Variants in ELP2 observed in about 807,000 individuals in gnomAD.
ELP2 encodes the protein elongator acetyltransferase complex subunit 2.
A neutral mutation model predicts 119.2 loss-of-function variants in ELP2; 90 were observed. That is an observed-to-expected ratio of 0.75 (90% confidence interval 0.64 to 0.90). The LOEUF (loss-of-function observed/expected upper bound fraction) is 0.90. Ranked by LOEUF, ELP2 falls within the 40% of genes least tolerant of loss-of-function variation. The probability of loss-of-function intolerance (pLI) is 0.00; values close to 1 mark genes in which losing one functional copy is unlikely to be tolerated. For synonymous variants in ELP2, 339 were observed against 331.0 expected, an observed-to-expected ratio of 1.02 and a Z score of -0.26; for missense variants, 921 against 967.8, an observed-to-expected ratio of 0.95 and a Z score of 0.64.
In ELP2 at chr18:36,170,172, G is replaced by GC; in HGVS notation, c.2189dup (p.Val731SerfsTer28). The GC allele has an allele frequency of 6.2e-7, 1 of 1,614,126 alleles. No homozygotes were observed. Among genetic ancestry groups the GC allele is most frequent in the South Asian group, 1.1e-5 (1 of 91,078 alleles). The stretch of plus-strand genomic sequence containing the variant: ...GGGGCTGTGACAGCTGTCAGCGTCT[G>GC]CCCAGTGCTCCACCCTTCTCAACGG... On this transcript the variant is annotated frameshift_variant, in exon 20 of 22. Coordinates refer to ENST00000358232, the MANE Select transcript of ELP2 (RefSeq NM_018255.4). LOFTEE classifies it high-confidence loss of function.
intron 17 of ELP2, among the ~76,000 whole-genome samples, chr18:36,163,280 G>GTGTGTGTGTGTT (rs2090796858): frequency 6.6e-6 from 1 of 151,558 alleles, no homozygotes; most frequent in Non-Finnish European, 1.5e-5. Context: ...TGGGGGGTGT[G>GTGTGTGTGTGTT]TGTGTGTGTG....
At chr18:36,151,959 A>G (rs1785907) in intron 11 of ELP2, among the ~76,000 whole-genome samples, 54,108 of 150,190 alleles carry the variant, frequency 0.36, 9,794 homozygotes, top group Middle Eastern at 0.43. Context: ...TCACCATGTT[A>G]GCCAGGCTGG....
chr18:36,159,946 A>G lies in ELP2; in HGVS notation c.1631-12A>G. On this transcript the variant is annotated splice_polypyrimidine_tract_variant and intron_variant, in intron 15 of 21. Coordinates refer to ENST00000358232, the MANE Select transcript of ELP2 (RefSeq NM_018255.4). ...CTTTTACATAGAAAAAAATAGCTTC[A>G]ATTTATTCTAGAGCCTCCCACTGAG... The G allele has an allele frequency of 1.9e-6, 3 of 1,614,024 alleles. No individual in the cohort carries two copies. Among genetic ancestry groups the G allele is most frequent in the Non-Finnish European group, 2.5e-6 (3 of 1,179,958 alleles).
At chr18:36,155,318 G>A (rs530803395) in intron 12 of ELP2, among the ~76,000 whole-genome samples, 27 of 136,992 alleles carry the variant, frequency 2.0e-4, no homozygotes, top group Admixed American at 1.5e-3. Context: ...CACTGCAGCC[G>A]GCCTCTTCTT....
chr18:36,131,129 G>T (rs558654605), intron 1 of ELP2, among the ~76,000 whole-genome samples: 1 of 152,082 alleles, frequency 6.6e-6, no homozygotes, highest in Non-Finnish European at 1.5e-5. Context: ...GACGGGGGTC[G>T]CACCACTGGA....
intron 13 of ELP2, among the ~76,000 whole-genome samples, chr18:36,157,199 G>C (rs1166377448): frequency 3.9e-5 from 6 of 152,142 alleles, no homozygotes; most frequent in African/African-American, 1.4e-4. Flanking sequence ...TTCTAAGAAA[G>C]ATTTGAGCTA....
intron 16 of ELP2, 62 bp downstream of exon 16, chr18:36,160,077 C>T: frequency 6.7e-7 from 1 of 1,502,302 alleles, no homozygotes; most frequent in Non-Finnish European, 9.3e-7. Context: ...CTTTTCCTCC[C>T]CACCCCACAA....
intron 6 of ELP2, among the ~76,000 whole-genome samples, chr18:36,141,875 G>C (rs2090042678): frequency 1.3e-5 from 2 of 151,892 alleles, no homozygotes; most frequent in Admixed American, 6.6e-5. Context: ...ATTTTTTGTA[G>C]ACACAGGGTC....
intron 5 of ELP2, among the ~76,000 whole-genome samples, chr18:36,140,527 A>G (rs944267568): frequency 5.9e-5 from 9 of 151,794 alleles, no homozygotes; most frequent in African/African-American, 2.2e-4. Context: ...TTGTATTTTT[A>G]GTAGAGACAA....
intron 13 of ELP2, among the ~76,000 whole-genome samples, chr18:36,157,669 T>C (rs1042114561): frequency 1.3e-5 from 2 of 152,182 alleles, no homozygotes; most frequent in Non-Finnish European, 2.9e-5. Context: ...GAAAATGGAA[T>C]TCATTAGAAA....
intron 20 of ELP2, 199 bp from the exon 21 acceptor site, chr18:36,170,848 A>G: frequency 1.7e-6 from 1 of 603,630 alleles, no homozygotes. Flanking sequence ...GGACACAGAT[A>G]AATCTGTGTG....
chr18:36,161,837 T>G (rs2090751770), intron 17 of ELP2, among the ~76,000 whole-genome samples: 1 of 152,132 alleles, frequency 6.6e-6, no homozygotes, highest in African/African-American at 2.4e-5. Flanking sequence ...CCCCACTTGT[T>G]TATTCTTTGA....
intron 20 of ELP2, among the ~76,000 whole-genome samples, 156 bp downstream of exon 20, chr18:36,170,352 C>G (rs1177515229): frequency 6.6e-6 from 1 of 151,174 alleles, no homozygotes; most frequent in Admixed American, 6.6e-5. Context: ...CACTCTGTCG[C>G]CCAGGCTGGA....
intron 18 of ELP2, among the ~76,000 whole-genome samples, chr18:36,166,223 T>C (rs188493966): frequency 1.3e-5 from 2 of 151,884 alleles, no homozygotes; most frequent in Admixed American, 1.3e-4. Flanking sequence ...TAATAACATA[T>C]TTATTAATTT....
chr18:36,149,948 GTC>G (rs777659185), intron 11 of ELP2, among the ~76,000 whole-genome samples: 136 of 152,252 alleles, frequency 8.9e-4, no homozygotes, highest in Non-Finnish European at 6.3e-4. Context: ...TGTATCTTTG[GTC>G]TGAAGAAATG....
intron 19 of ELP2, among the ~76,000 whole-genome samples, chr18:36,168,628 A>G (rs1481509712): frequency 6.6e-6 from 1 of 152,158 alleles, no homozygotes; most frequent in Non-Finnish European, 1.5e-5. Context: ...CGCCCCCATG[A>G]TCCTATTACC....
intron 18 of ELP2, among the ~76,000 whole-genome samples, chr18:36,166,651 G>A (rs1163848399): frequency 6.6e-6 from 1 of 152,102 alleles, no homozygotes; most frequent in Non-Finnish European, 1.5e-5. Context: ...GGTGTGTTAG[G>A]TTTAGTCCAT....
In ELP2 at chr18:36,141,349, A is replaced by C. The variant is rs563793140; in HGVS notation, c.588+148A>C. ...ATCTTTTTTTGACAGTCCTCTGTTAAGATGGTTGTCTACTCTGAACACCAA... is the reference window on the plus strand; with the variant it reads ...ATCTTTTTTTGACAGTCCTCTGTTACGATGGTTGTCTACTCTGAACACCAA... On this transcript the variant is annotated intron_variant, in intron 6 of 21. Transcript: ENST00000358232. 6.5e-5 allele frequency: 46 copies of C among 712,354 alleles called. 1 individual carries two copies. The highest frequency in any genetic ancestry group is 1.0e-4 in the Non-Finnish European group (42 of 405,900). 44.1% of individuals were successfully genotyped at this position (712,354 alleles called of 1,614,324 possible).
Position 36,176,980 on chromosome 18 carries a change from G to A in ELP2, c.*2339G>A, listed in dbSNP as rs1003230904. Reference sequence around the variant, plus strand: ...TTTTCTGTAGTGACGCACGTGTTGTGTGTGTATGTGTGCGTTTGAGGCTAT... The same window carrying A: ...TTTTCTGTAGTGACGCACGTGTTGTATGTGTATGTGTGCGTTTGAGGCTAT... On this transcript the variant is annotated 3_prime_UTR_variant, in exon 22 of 22. Coordinates refer to ENST00000358232, the MANE Select transcript of ELP2 (RefSeq NM_018255.4). 1 of 152,100 alleles carries A rather than the reference G, an allele frequency of 6.6e-6. No homozygotes were observed. The highest frequency in any genetic ancestry group is 2.4e-5 in the African/African-American group (1 of 41,386). The allele number at this position is 152,100 out of a possible 1,614,324, so 9.4% of individuals were successfully genotyped here.
Sources: allele counts gnomAD v4.1 joint callset (sites outside exome capture counted in the v4.1 genomes callset), GRCh38; gene constraint gnomAD v4.1.1; transcripts MANE v1.5; gene names NCBI Gene and HGNC (gene_info 2026-07-23, HGNC 2026-07-21).